CMTR1: variants seen among roughly 807,000 people sequenced by gnomAD.
CMTR1 encodes the protein cap-specific mRNA (nucleoside-2'-O-)-methyltransferase 1.
A neutral mutation model predicts 107.0 loss-of-function variants in CMTR1; 39 were observed. That is an observed-to-expected ratio of 0.36 (90% CI 0.28 to 0.48). The LOEUF (loss-of-function observed/expected upper bound fraction) is 0.48. Among genes scored for constraint, CMTR1 ranks in the 20% least tolerant of loss-of-function variants. The pLI, the probability that CMTR1 is intolerant of heterozygous loss-of-function variation, is 0.99. For missense variants in CMTR1, 672 were observed against 1,064.9 expected (o/e 0.63, Z 5.14); for synonymous variants, 366 against 379.5 (o/e 0.96, Z 0.41).
intron 2 of CMTR1, among the ~76,000 whole-genome samples, chr6:37,437,621 C>T (rs531818234): frequency 6.6e-6 from 1 of 152,052 alleles, no homozygotes; most frequent in Admixed American, 6.5e-5. Flanking sequence ...TTGGACACCT[C>T]TGCTTCAAAG....
In CMTR1 at chr6:37,472,641, G is replaced by T. The variant is rs1048846548; in HGVS notation, c.1689+154G>T. Reference sequence around the variant, plus strand: ...GCGGAGCTAAGGCTGCCACAGGTGGGAACCTTTGGTATAGGGTGTTGAATT... The same window carrying T: ...GCGGAGCTAAGGCTGCCACAGGTGGTAACCTTTGGTATAGGGTGTTGAATT... On this transcript the variant is annotated intron_variant, in intron 16 of 23. Coordinates refer to ENST00000373451, the MANE Select transcript of CMTR1 (RefSeq NM_015050.3). The surrounding 1 kb of genome is among the most constrained non-coding windows in gnomAD (Gnocchi z 4.1). Among the ~76,000 whole-genome samples the T allele has an allele frequency of 1.1e-4, 16 of 152,336 alleles. No individual in the cohort carries two copies. Among genetic ancestry groups the T allele is most frequent in the African/African-American group, 3.4e-4 (14 of 41,578 alleles).
intron 2 of CMTR1, 73 bp from the exon 3 acceptor site, chr6:37,443,926 A>G: frequency 1.3e-6 from 2 of 1,525,696 alleles, no homozygotes; most frequent in South Asian, 1.2e-5. Context: ...GTAGTTGAAT[A>G]AATGAAACTT....
At chr6:37,478,388 G>C (rs899878730) in intron 21 of CMTR1, 21 bp from the exon 22 acceptor site, 2 of 1,593,112 alleles carry the variant, frequency 1.3e-6, no homozygotes, top group Admixed American at 3.3e-5. Flanking sequence ...TCTCATGCAC[G>C]TACCTTCTCG....
In CMTR1 at chr6:37,472,257, G is replaced by A. The variant is rs994649731; in HGVS notation, c.1621-162G>A. 6.6e-6 allele frequency among the ~76,000 whole-genome samples: 1 copy of A among 152,188 alleles called. No homozygotes were observed. The highest frequency in any genetic ancestry group is 2.4e-5 in the African/African-American group (1 of 41,444). On this transcript the variant is annotated intron_variant, in intron 15 of 23. Coordinates refer to ENST00000373451, the MANE Select transcript of CMTR1 (RefSeq NM_015050.3). This position sits in a 1 kb window ranked among gnomAD's most constrained non-coding sequence, Gnocchi z 4.1. The stretch of plus-strand genomic sequence containing the variant: ...TTGCCACAGGATCTGAAAGGGAGCA[G>A]TGAGTGAATTATCCACCTCCATCCC...
intron 8 of CMTR1, among the ~76,000 whole-genome samples, chr6:37,456,644 C>T (rs894410303): frequency 3.9e-5 from 6 of 152,154 alleles, no homozygotes; most frequent in East Asian, 3.9e-4. Context: ...TCAGCCATGC[C>T]GAACCTGTAG....
Position 37,474,617 on chromosome 6 carries a change from G to T in CMTR1, c.1915G>T (p.Val639Leu). Residue 639 changes from valine (V) to leucine (L), a missense_variant, in exon 18 of 24, where the codon GTG becomes TTG. Transcript: ENST00000373451. ...TELPRDTLLS[V>L]EIVHELKGEG... Reference sequence around the variant, plus strand: ...GCTGCCCCGGGACACTCTGCTATCTGTGGAAATTGTGCATGAGCTGAAAGG... The same window carrying T: ...GCTGCCCCGGGACACTCTGCTATCTTTGGAAATTGTGCATGAGCTGAAAGG... The T allele has an allele frequency of 6.2e-7, 1 of 1,614,042 alleles. No homozygotes were observed. The highest frequency in any genetic ancestry group is 8.5e-7 in the Non-Finnish European group (1 of 1,179,950).
At chr6:37,477,970 TGA>T (rs1473423453) in intron 21 of CMTR1, among the ~76,000 whole-genome samples, 2 of 152,170 alleles carry the variant, frequency 1.3e-5, no homozygotes, top group African/African-American at 4.8e-5. Flanking sequence ...CTCCCGCTGC[TGA>T]GAGAGAAATT....
At chr6:37,478,876 C>G (rs1447483395) in intron 22 of CMTR1, among the ~76,000 whole-genome samples, 3 of 152,168 alleles carry the variant, frequency 2.0e-5, no homozygotes, top group South Asian at 2.1e-4. Context: ...CTCTGGCTAA[C>G]AGAGTCCTAC....
chr6:37,478,107 G>A (rs1278636607), intron 21 of CMTR1, among the ~76,000 whole-genome samples: 1 of 152,196 alleles, frequency 6.6e-6, no homozygotes, highest in African/African-American at 2.4e-5. Context: ...TTCAGTGGCT[G>A]CAGTGTTGCC....
chr6:37,453,381 G>A (rs1562120930), intron 8 of CMTR1, 69 bp downstream of exon 8: 15 of 1,400,422 alleles, frequency 1.1e-5, no homozygotes, highest in Admixed American at 6.7e-5. Flanking sequence ...CTCAGCCATT[G>A]CCATTTGTTC....
intron 5 of CMTR1, among the ~76,000 whole-genome samples, chr6:37,451,510 G>C (rs894784381): frequency 6.6e-6 from 1 of 152,192 alleles, no homozygotes; most frequent in Non-Finnish European, 1.5e-5. Flanking sequence ...TAGACAGCTT[G>C]AATGTCTCCT....
rs2113873747 is a variant in CMTR1 at position 37,453,040 on chromosome 6, T to C, written c.610-7T>C. On this transcript the variant is annotated splice_polypyrimidine_tract_variant and splice_region_variant and intron_variant, in intron 6 of 23. Coordinates refer to ENST00000373451, the MANE Select transcript of CMTR1 (RefSeq NM_015050.3). ...AATTCACCTTGAGGTTCTGATTCTC[T>C]GGGCAGAGCGTGTTTGATGTCTTGG... is the stretch of plus-strand genomic sequence containing the variant. The C allele has an allele frequency of 6.2e-7, 1 of 1,613,934 alleles. No homozygotes were observed. Among genetic ancestry groups the C allele is most frequent in the African/African-American group, 1.3e-5 (1 of 75,010 alleles).
At chr6:37,445,606 A>G (rs1038929567) in intron 3 of CMTR1, among the ~76,000 whole-genome samples, 10 of 148,224 alleles carry the variant, frequency 6.7e-5, no homozygotes, top group Non-Finnish European at 8.9e-5. Flanking sequence ...GTCCTGCCTC[A>G]GCCTCCTGAG....
chr6:37,448,601 C>A (rs1771860915), intron 4 of CMTR1, among the ~76,000 whole-genome samples: 1 of 152,196 alleles, frequency 6.6e-6, no homozygotes, highest in Non-Finnish European at 1.5e-5. Context: ...TTCTTTTCAA[C>A]TTTGTCTCTG....
chr6:37,425,712 A>C, the CMTR1 span, among the ~76,000 whole-genome samples: 1 of 152,084 alleles, frequency 6.6e-6, no homozygotes, highest in South Asian at 2.1e-4. Flanking sequence ...GCTGCTTTCA[A>C]GATTCTCTCT....
In CMTR1 at chr6:37,481,154, G is replaced by C. The variant is rs753642133; in HGVS notation, c.*1009G>C. ...ATCTGCTTTTGTTTGTCGTTAAGTG[G>C]TCACTCCCATTTCCTTTATCTTGGC... On this transcript the variant is annotated 3_prime_UTR_variant, in exon 24 of 24. Transcript: ENST00000373451. 9.2e-6 allele frequency: 12 copies of C among 1,303,614 alleles called. No homozygotes were observed. The South Asian group carries it at 1.5e-4, about 16-fold the overall frequency. 80.8% of individuals were successfully genotyped at this position (1,303,614 alleles called of 1,614,324 possible).
chr6:37,438,792 A>G (rs1014219503), intron 2 of CMTR1, among the ~76,000 whole-genome samples: 2 of 152,204 alleles, frequency 1.3e-5, no homozygotes, highest in African/African-American at 4.8e-5. Context: ...TATGTTCTGT[A>G]TCTAATTCTC....
At chr6:37,435,325 T>A (rs1014609959) in intron 1 of CMTR1, among the ~76,000 whole-genome samples, 28 of 152,264 alleles carry the variant, frequency 1.8e-4, no homozygotes, top group African/African-American at 6.3e-4. Context: ...CAAGGCTTTA[T>A]CCCCCAGTGG....
Position 37,435,629 on chromosome 6 carries a change from G to A in CMTR1, c.-1G>A, listed in dbSNP as rs377107820. The A allele has an allele frequency of 3.3e-5, 53 of 1,595,448 alleles. No homozygotes were observed. Among genetic ancestry groups the A allele is most frequent in the Middle Eastern group, 3.3e-4 (2 of 6,050 alleles). ...GACTGGATTTATGGTTACAGTTAAC[G>A]ATGAAGAGGAGAACTGACCCAGAAT... On this transcript the variant is annotated 5_prime_UTR_variant, in exon 2 of 24. Coordinates refer to ENST00000373451, the MANE Select transcript of CMTR1 (RefSeq NM_015050.3).
Sources: gnomAD v4.1 joint callset for allele counts (sites outside exome capture counted in the v4.1 genomes callset) on GRCh38, gnomAD v4.1.1 for gene constraint, Gnocchi (gnomAD v3.1) non-coding constraint, MANE v1.5 for transcripts, NCBI Gene and HGNC (gene_info 2026-07-23, HGNC 2026-07-21) for gene names.